The following HDAC11 variants were observed in gnomAD, a reference collection of about 807,000 sequenced individuals.
HDAC11 encodes the protein histone deacetylase 11.
HDAC11 carries 23 observed loss-of-function variants against 41.1 expected under a neutral mutation model. That is an observed-to-expected ratio of 0.56 (90% CI 0.40 to 0.79). The LOEUF is 0.79. HDAC11 is among the 30% of genes least tolerant of loss of function. The pLI is 0.00. For synonymous variants in HDAC11, 187 were observed against 186.6 expected (o/e 1.00, Z -0.02); for missense variants, 402 against 477.3 (o/e 0.84, Z 1.47).
At chr3:13,501,833 G>A (rs779658273) in intron 6 of HDAC11, 38 bp from the exon 7 acceptor site, 37 of 1,601,630 alleles carry the variant, frequency 2.3e-5, no homozygotes, top group East Asian at 1.8e-4. Context: ...TCCTCTGTCC[G>A]CCCCAGATCC....
At chr3:13,484,515 A>G (rs1043430266) in intron 3 of HDAC11, among the ~76,000 whole-genome samples, 7 of 151,264 alleles carry the variant, frequency 4.6e-5, no homozygotes, top group African/African-American at 1.7e-4. Flanking sequence ...AATCCAGATT[A>G]TTAAGTGACA....
chr3:13,482,396 G>A (rs1701361745), intron 2 of HDAC11, among the ~76,000 whole-genome samples: 1 of 152,228 alleles, frequency 6.6e-6, no homozygotes, highest in Non-Finnish European at 1.5e-5. Context: ...CCTGCAGGCT[G>A]TGAGACTGAT....
At chr3:13,490,463 C>G (rs925143156) in intron 3 of HDAC11, among the ~76,000 whole-genome samples, 2 of 152,252 alleles carry the variant, frequency 1.3e-5, no homozygotes, top group African/African-American at 4.8e-5. Context: ...TTCGGTCTTT[C>G]AATCCATGAA....
intron 3 of HDAC11, among the ~76,000 whole-genome samples, chr3:13,490,194 A>T (rs1300336705): frequency 6.6e-6 from 1 of 151,932 alleles, no homozygotes; most frequent in Non-Finnish European, 1.5e-5. Flanking sequence ...AGGTCTCACC[A>T]TGTTGGTCAG....
intron 6 of HDAC11, chr3:13,501,660 C>T (rs779943124): frequency 4.2e-6 from 3 of 711,382 alleles, no homozygotes; most frequent in Non-Finnish European, 7.9e-6. Context: ...CTCCAGGGAG[C>T]CTTCCCTGAC....
rs1433980058 is a variant in HDAC11 at position 13,502,828 on chromosome 3, G to T, written c.553-56G>T. ...TCCTGAGGGGTGGGTGGGTGGCAGA[G>T]CCCCAGCCTTGCCTAGGGCACCTAC... On this transcript the variant is annotated intron_variant, in intron 7 of 9. Transcript: ENST00000295757. The surrounding 1 kb of genome is among the most constrained non-coding windows in gnomAD (Gnocchi z 4.1). 4 of 1,431,306 alleles carry T rather than the reference G, an allele frequency of 2.8e-6. No homozygotes were observed. Among genetic ancestry groups the T allele is most frequent in the South Asian group, 1.2e-5 (1 of 86,214 alleles). The allele number at this position is 1,431,306 out of a possible 1,614,324, so 88.7% of individuals were successfully genotyped here.
chr3:13,491,735 A>T (rs1701874924), intron 3 of HDAC11, among the ~76,000 whole-genome samples: 1 of 152,340 alleles, frequency 6.6e-6, no homozygotes, highest in South Asian at 2.1e-4. Flanking sequence ...CTGACGAGGT[A>T]TGGGGGCCCT....
chr3:13,487,818 G>A (rs1701665883), intron 3 of HDAC11, among the ~76,000 whole-genome samples: 1 of 152,112 alleles, frequency 6.6e-6, no homozygotes. Context: ...CATTTAGGTG[G>A]GAGAGTCAGA....
rs544227267 is a variant in HDAC11 at position 13,486,447 on chromosome 3, A to G, written c.252+2883A>G. 3.3e-5 allele frequency among the ~76,000 whole-genome samples: 5 copies of G among 152,024 alleles called. No individual in the cohort carries two copies. In the South Asian group the frequency reaches 1.0e-3, roughly 32 times the overall value. ...GCAACCACCCAAGAGCATTTTAGAG[A>G]GCACCAAGGGCTATGAAGAAAGTGA... On this transcript the variant is annotated intron_variant, in intron 3 of 9. Transcript: ENST00000295757.
rs1404680304 is a variant in HDAC11 at position 13,496,515 on chromosome 3, T to A, written c.253-221T>A. On this transcript the variant is annotated intron_variant, in intron 3 of 9. Coordinates refer to ENST00000295757, the MANE Select transcript of HDAC11 (RefSeq NM_024827.4). ...ACCCTGGCCAACTAGCTTTAAGAAATGCATTGTGTAAACTGCTCTTTACTG... is the reference window on the plus strand; with the variant it reads ...ACCCTGGCCAACTAGCTTTAAGAAAAGCATTGTGTAAACTGCTCTTTACTG... 13 of 448,990 alleles carry A rather than the reference T, an allele frequency of 2.9e-5. No homozygotes were observed. The South Asian group carries it at 4.3e-4, about 15-fold the overall frequency. The allele number at this position is 448,990 out of a possible 1,614,324, so 27.8% of individuals were successfully genotyped here.
Position 13,502,853 on chromosome 3 carries a change from C to A in HDAC11, c.553-31C>A. 6.3e-7 allele frequency: 1 copy of A among 1,586,274 alleles called. No homozygotes were observed. Among genetic ancestry groups the A allele is most frequent in the Non-Finnish European group, 8.7e-7 (1 of 1,155,944 alleles). On this transcript the variant is annotated intron_variant, in intron 7 of 9. Coordinates refer to ENST00000295757, the MANE Select transcript of HDAC11 (RefSeq NM_024827.4). This position sits in a 1 kb window ranked among gnomAD's most constrained non-coding sequence, Gnocchi z 4.1. ...GCCCCAGCCTTGCCTAGGGCACCTA[C>A]CCGAGAGCGGCTACTGTGACCTCCC...
At chr3:13,481,137 GC>G in intron 1 of HDAC11, 108 bp from the exon 2 acceptor site, 2 of 1,179,742 alleles carry the variant, frequency 1.7e-6, no homozygotes, top group Non-Finnish European at 2.3e-6. Context: ...CGGCTGAGGG[GC>G]TAGTGGTGCT....
chr3:13,496,482 G>A (rs1050110249), intron 3 of HDAC11: 3 of 363,288 alleles, frequency 8.3e-6, no homozygotes, highest in African/African-American at 2.2e-5. Flanking sequence ...GCCTCAGAAC[G>A]CTGAGGAACC....
At chr3:13,488,241 TA>T (rs201139845) in intron 3 of HDAC11, among the ~76,000 whole-genome samples, 94 of 151,956 alleles carry the variant, frequency 6.2e-4, no homozygotes, top group African/African-American at 1.9e-3. Flanking sequence ...CTCTCTCCTT[TA>T]AAAAAAAATT....
intron 3 of HDAC11, among the ~76,000 whole-genome samples, chr3:13,492,345 A>G (rs1701904149): frequency 6.6e-6 from 1 of 152,224 alleles, no homozygotes; most frequent in South Asian, 2.1e-4. Flanking sequence ...AACGGCATGC[A>G]TGGCCAGCAC....
In HDAC11 at chr3:13,504,363, T is replaced by A. The variant is rs369567005; in HGVS notation, c.828+91T>A. ...GGGCGGCCTCATGTCAGGGAGGAGA[T>A]GGACTGAAGCAACAGCAGTTTGGAG... is the stretch of plus-strand genomic sequence containing the variant. On this transcript the variant is annotated intron_variant, in intron 9 of 9. Transcript: ENST00000295757. 8.2e-6 allele frequency: 13 copies of A among 1,585,132 alleles called. No homozygotes were observed. The East Asian group carries it at 1.1e-4, about 14-fold the overall frequency.
intron 8 of HDAC11, chr3:13,503,257 T>C: frequency 3.4e-6 from 1 of 290,786 alleles, no homozygotes; most frequent in East Asian, 7.3e-5. Flanking sequence ...AATTTGAAAA[T>C]ACGAAATAAG....
intron 6 of HDAC11, chr3:13,501,551 C>A (rs1702365887): frequency 1.7e-6 from 1 of 583,544 alleles, no homozygotes; most frequent in Non-Finnish European, 3.3e-6. Context: ...CTCTCCTTAA[C>A]CCCTACACAT....
At chr3:13,486,802 C>T (rs906793421) in intron 3 of HDAC11, among the ~76,000 whole-genome samples, 7 of 152,094 alleles carry the variant, frequency 4.6e-5, no homozygotes, top group Non-Finnish European at 8.8e-5. Context: ...TGGTCTCGAA[C>T]TCCTGACCTC....
Sources: gnomAD v4.1 joint callset for allele counts (sites outside exome capture counted in the v4.1 genomes callset) on GRCh38, gnomAD v4.1.1 for gene constraint, Gnocchi (gnomAD v3.1) non-coding constraint, MANE v1.5 for transcripts, NCBI Gene and HGNC (gene_info 2026-07-23, HGNC 2026-07-21) for gene names.